The following DOCK1 variants were observed in gnomAD, a reference collection of about 807,000 sequenced individuals.
The protein encoded by DOCK1 is dedicator of cytokinesis protein 1.
A neutral mutation model predicts 262.7 loss-of-function variants in DOCK1; 138 were observed. That is an observed-to-expected ratio of 0.53 (90% CI 0.46 to 0.61). DOCK1 has a LOEUF of 0.61. DOCK1 is among the 20% of genes least tolerant of loss of function. The pLI is 0.00. For synonymous variants in DOCK1, 866 were observed against 867.4 expected (o/e 1.00, Z 0.03); for missense variants, 1,908 against 2,370.7 (o/e 0.80, Z 4.05).
intron 51 of DOCK1, among the ~76,000 whole-genome samples, chr10:127,450,982 A>T (rs1479333939): frequency 1.3e-5 from 2 of 151,974 alleles, no homozygotes; most frequent in Non-Finnish European, 2.9e-5. Context: ...CTCTCATCTC[A>T]CCCCTGGAGA....
chr10:127,349,980 A>T (rs2063807382), intron 31 of DOCK1, among the ~76,000 whole-genome samples: 1 of 152,178 alleles, frequency 6.6e-6, no homozygotes, highest in Non-Finnish European at 1.5e-5. Context: ...ATTTCCAAAT[A>T]AGGTCACAGT....
At chr10:127,057,476 T>C (rs1376561043) in intron 22 of DOCK1, among the ~76,000 whole-genome samples, 1 of 152,266 alleles carries the variant, frequency 6.6e-6, no homozygotes, top group African/African-American at 2.4e-5. Flanking sequence ...ACTATCTTTC[T>C]TGCTATGCAG....
At chr10:127,323,402 A>G (rs1041034996) in intron 29 of DOCK1, among the ~76,000 whole-genome samples, 1 of 152,108 alleles carries the variant, frequency 6.6e-6, no homozygotes, top group Non-Finnish European at 1.5e-5. Flanking sequence ...GGCTGAGCAA[A>G]GTGCTTGTGG....
At chr10:127,399,970 C>G (rs2067127331) in intron 38 of DOCK1, among the ~76,000 whole-genome samples, 1 of 152,072 alleles carries the variant, frequency 6.6e-6, no homozygotes, top group Non-Finnish European at 1.5e-5. Context: ...AACTTTAAAC[C>G]TTCAGCAGGA....
rs1257407985 is a variant in DOCK1 at position 127,439,057 on chromosome 10, A to G, written c.5091A>G (p.Lys1697=). 1 of 1,553,714 alleles carries G rather than the reference A, an allele frequency of 6.4e-7. No individual in the cohort carries two copies. Among genetic ancestry groups the G allele is most frequent in the East Asian group, 2.4e-5 (1 of 41,094 alleles). Residue 1697 remains lysine, a synonymous_variant, in exon 49 of 52, where the codon AAA becomes AAG. Coordinates refer to ENST00000623213, the MANE Select transcript of DOCK1 (RefSeq NM_001290223.2). ...CCCTGGAGCCTCTCCTGCCAAAGAA[A>G]ATGCACTCCAGGTCCCAGGACAAGC... ...GFALEPLLPK[K]MHSRSQDKLD...
chr10:126,946,283 A>G (rs1403425353), intron 1 of DOCK1, among the ~76,000 whole-genome samples: 1 of 152,200 alleles, frequency 6.6e-6, no homozygotes, highest in Non-Finnish European at 1.5e-5. Flanking sequence ...ACGGTAGCTC[A>G]TGCCTGTATT....
chr10:127,127,298 A>T (rs1302886811), intron 26 of DOCK1, among the ~76,000 whole-genome samples: 1 of 152,220 alleles, frequency 6.6e-6, no homozygotes, highest in Non-Finnish European at 1.5e-5. Context: ...GACGTGCAGA[A>T]CCATCTAGGA....
rs142204482 is a variant in DOCK1, at chr10:127,255,165, C to T, written c.2950-2170C>T. The stretch of plus-strand genomic sequence containing the variant: ...CTGTAATCCCAACACTTTGGGAGGC[C>T]GAGGCAGGAGGATTCCTTGAGCCCA... On this transcript the variant is annotated intron_variant, in intron 28 of 51. Coordinates refer to ENST00000623213, the MANE Select transcript of DOCK1 (RefSeq NM_001290223.2). 1.6e-3 allele frequency among the ~76,000 whole-genome samples: 243 copies of T among 152,102 alleles called. 1 individual carries two copies. Among genetic ancestry groups the T allele is most frequent in the African/African-American group, 5.5e-3 (229 of 41,512 alleles).
chr10:127,150,225 T>C (rs1439936696), intron 27 of DOCK1, among the ~76,000 whole-genome samples: 1 of 152,238 alleles, frequency 6.6e-6, no homozygotes, highest in East Asian at 1.9e-4. Flanking sequence ...CACTGGGTTC[T>C]GAACACTTTT....
At chr10:127,420,950 T>G (rs1243820991) in intron 46 of DOCK1, among the ~76,000 whole-genome samples, 2 of 151,830 alleles carry the variant, frequency 1.3e-5, no homozygotes, top group Non-Finnish European at 2.9e-5. Context: ...GAAGTCTCGC[T>G]CTGTTGCCCA....
intron 29 of DOCK1, among the ~76,000 whole-genome samples, chr10:127,320,235 G>A (rs2062459618): frequency 6.6e-6 from 1 of 151,854 alleles, no homozygotes; most frequent in South Asian, 2.1e-4. Context: ...AAATAAAGGG[G>A]TCATTAAAAA....
At chr10:127,229,222 T>TCAAAA (rs1230377979) in intron 27 of DOCK1, among the ~76,000 whole-genome samples, 3 of 152,148 alleles carry the variant, frequency 2.0e-5, no homozygotes, top group Non-Finnish European at 2.9e-5. Context: ...AGACTCCATC[T>TCAAAA]CAAAACAAAA....
chr10:126,933,136 A>T (rs1426629565), intron 1 of DOCK1, among the ~76,000 whole-genome samples: 1 of 152,070 alleles, frequency 6.6e-6, no homozygotes, highest in African/African-American at 2.4e-5. Context: ...GGCTTCCCAC[A>T]ATCAGGACAG....
At position 127,076,728 on chromosome 10, in the gene DOCK1, C is replaced by G. The variant is rs74158607; in HGVS notation, c.2445+14952C>G. ...ATTGGTGGAGCTGCTCCATTGAAAC[C>G]CAAGACTCCATTCCAGGCCTGGCCT... On this transcript the variant is annotated intron_variant, in intron 23 of 51. Transcript: ENST00000623213. 2.2e-4 allele frequency among the ~76,000 whole-genome samples: 33 copies of G among 152,256 alleles called. No homozygotes were observed. In the East Asian group the frequency reaches 4.1e-3, roughly 19 times the overall value.
intron 27 of DOCK1, among the ~76,000 whole-genome samples, chr10:127,217,610 A>G (rs1160207071): frequency 6.6e-6 from 1 of 152,220 alleles, no homozygotes; most frequent in Admixed American, 6.5e-5. Flanking sequence ...CTTGTTTCAG[A>G]TATATAAGGC....
In DOCK1 at chr10:127,012,124, C is replaced by A; in HGVS notation, c.1059-108C>A. On this transcript the variant is annotated intron_variant, in intron 11 of 51. Coordinates refer to ENST00000623213, the MANE Select transcript of DOCK1 (RefSeq NM_001290223.2). The surrounding 1 kb of genome is among the most constrained non-coding windows in gnomAD (Gnocchi z 4.0). ...TGTCGTGCGTTGACTCATGATGCCTCCCTCTCGCACTCGGTGACGATGATC... is the reference window on the plus strand; with the variant it reads ...TGTCGTGCGTTGACTCATGATGCCTACCTCTCGCACTCGGTGACGATGATC... The A allele has an allele frequency of 1.5e-6, 1 of 652,634 alleles. No homozygotes were observed. Among genetic ancestry groups the A allele is most frequent in the Non-Finnish European group, 2.8e-6 (1 of 356,764 alleles). 40.4% of individuals were successfully genotyped at this position (652,634 alleles called of 1,614,324 possible).
chr10:126,960,745 T>TATATATATATATATATATACAC (rs1429186588), intron 1 of DOCK1, among the ~76,000 whole-genome samples: 5 of 115,528 alleles, frequency 4.3e-5, no homozygotes, highest in African/African-American at 1.6e-4. Context: ...TATATATATA[T>TATATATATATATATATATACAC]ACACACACAC....
At chr10:127,384,742 C>A (rs534152843) in intron 37 of DOCK1, 48 bp from the exon 38 acceptor site, 3 of 1,503,002 alleles carry the variant, frequency 2.0e-6, no homozygotes, top group Non-Finnish European at 2.7e-6. Context: ...TTCTGACGTC[C>A]CTGGGTGTTT....
At chr10:127,259,409 T>A (rs1472743911) in intron 29 of DOCK1, among the ~76,000 whole-genome samples, 2 of 152,360 alleles carry the variant, frequency 1.3e-5, no homozygotes, top group East Asian at 3.9e-4. Context: ...CTTTAATGGC[T>A]GTATTTTGCA....
Sources: gnomAD v4.1 joint callset for allele counts (sites outside exome capture counted in the v4.1 genomes callset) on GRCh38, gnomAD v4.1.1 for gene constraint, Gnocchi (gnomAD v3.1) non-coding constraint, MANE v1.5 for transcripts, NCBI Gene and HGNC (gene_info 2026-07-23, HGNC 2026-07-21) for gene names.